ZNF566: variants seen among roughly 807,000 people sequenced by gnomAD.
The protein encoded by ZNF566 is zinc finger protein 566.
Under a neutral mutation model 32.8 loss-of-function variants are expected in ZNF566, and 27 were observed. The observed-to-expected ratio is 0.82, with a 90% CI of 0.61 to 1.14. The LOEUF is 1.14. Among genes scored for constraint, ZNF566 ranks in the 50% most tolerant of loss-of-function variants. The probability of loss-of-function intolerance (pLI) is 0.00; values close to 1 mark genes in which losing one functional copy is unlikely to be tolerated. For missense variants in ZNF566, 402 were observed against 490.4 expected (o/e 0.82, Z 1.70); for synonymous variants, 154 against 159.5 (o/e 0.97, Z 0.26).
intron 1 of ZNF566, among the ~76,000 whole-genome samples, chr19:36,482,394 T>C (rs952269442): frequency 1.4e-5 from 2 of 145,746 alleles, no homozygotes; most frequent in African/African-American, 4.9e-5. Context: ...AGTGAGCCAC[T>C]GTCCCCTGCG....
In ZNF566 at chr19:36,452,915, C is replaced by T. The variant is rs554307943; in HGVS notation, c.233-2914G>A. On this transcript the variant is annotated intron_variant, in intron 4 of 4. Transcript: ENST00000452939. ...CGGGCAGATCACTAGGTCAGGAGTTCGAGACCAGCCTGCCCAATATGGTGA... is the reference window on the plus strand; with the variant it reads ...CGGGCAGATCACTAGGTCAGGAGTTTGAGACCAGCCTGCCCAATATGGTGA... Among the ~76,000 whole-genome samples the T allele has an allele frequency of 5.3e-5, 8 of 151,796 alleles. No homozygotes were observed. The South Asian group carries it at 1.3e-3, about 24-fold the overall frequency.
At chr19:36,469,861 A>G (rs1263234041) in intron 4 of ZNF566, among the ~76,000 whole-genome samples, 1 of 152,214 alleles carries the variant, frequency 6.6e-6, no homozygotes, top group Non-Finnish European at 1.5e-5. Flanking sequence ...ACTTTTACAA[A>G]CAAGCATTGA....
intron 4 of ZNF566, among the ~76,000 whole-genome samples, chr19:36,472,219 C>T (rs2033782240): frequency 6.6e-6 from 1 of 152,090 alleles, no homozygotes. Context: ...CCCTTTATTT[C>T]CAACCCTCTA....
chr19:36,452,127 G>T (rs1328208289), intron 4 of ZNF566, among the ~76,000 whole-genome samples: 1 of 151,484 alleles, frequency 6.6e-6, no homozygotes, highest in Non-Finnish European at 1.5e-5. Context: ...GAAAGTCACT[G>T]ACTCTTAGAC....
At chr19:36,459,840 A>T (rs1445348968) in intron 4 of ZNF566, among the ~76,000 whole-genome samples, 6 of 133,734 alleles carry the variant, frequency 4.5e-5, no homozygotes, top group African/African-American at 1.4e-4. Flanking sequence ...TTTTTTTGAG[A>T]CAGAACCTTG....
intron 4 of ZNF566, among the ~76,000 whole-genome samples, chr19:36,467,055 C>G (rs1387071489): frequency 6.9e-6 from 1 of 144,728 alleles, no homozygotes; most frequent in East Asian, 2.0e-4. Flanking sequence ...GGTGACAGAG[C>G]GAGACTCCGT....
intron 2 of ZNF566, 61 bp from the exon 3 acceptor site, chr19:36,473,519 AAG>A: frequency 6.9e-7 from 1 of 1,456,974 alleles, no homozygotes; most frequent in East Asian, 2.4e-5. Context: ...TTGTGAAGGA[AAG>A]AGAGAAGAAA....
At chr19:36,484,592 T>TC (rs2034110863) in intron 1 of ZNF566, among the ~76,000 whole-genome samples, 1 of 143,908 alleles carries the variant, frequency 6.9e-6, no homozygotes, top group South Asian at 2.3e-4. Context: ...AGTTTCTTTT[T>TC]TTTTTTTTTT....
chr19:36,450,406 G>C (rs1193843731), intron 4 of ZNF566, among the ~76,000 whole-genome samples: 1 of 152,192 alleles, frequency 6.6e-6, no homozygotes, highest in Non-Finnish European at 1.5e-5. Flanking sequence ...AGCACCTTGG[G>C]CGGGTGAGGC....
chr19:36,459,333 G>A (rs986510350), intron 4 of ZNF566, among the ~76,000 whole-genome samples: 2 of 152,116 alleles, frequency 1.3e-5, no homozygotes, highest in South Asian at 4.1e-4. Flanking sequence ...GTTTGCCTCA[G>A]CCTCCCAAGT....
chr19:36,466,947 T>C (rs2033627548), intron 4 of ZNF566, among the ~76,000 whole-genome samples: 1 of 149,662 alleles, frequency 6.7e-6, no homozygotes, highest in African/African-American at 2.5e-5. Context: ...CAGGTGCCTG[T>C]AGTCCCAGCT....
At chr19:36,482,144 C>T (rs1162888611) in intron 1 of ZNF566, among the ~76,000 whole-genome samples, 1 of 152,130 alleles carries the variant, frequency 6.6e-6, no homozygotes, top group African/African-American at 2.4e-5. Flanking sequence ...CTCGCTCTGT[C>T]GCCCAGGCTG....
At chr19:36,476,472 A>G in intron 2 of ZNF566, 77 bp downstream of exon 2, 1 of 1,373,806 alleles carries the variant, frequency 7.3e-7, no homozygotes, top group South Asian at 1.2e-5. Context: ...AAAAAGCATC[A>G]TCATGAGGAA....
chr19:36,462,956 C>CAAAAAAAAAAAAAAAAA (rs755283751), intron 4 of ZNF566, among the ~76,000 whole-genome samples: 3 of 38,562 alleles, frequency 7.8e-5, no homozygotes, highest in Admixed American at 5.0e-4. Context: ...GACTCTGTCT[C>CAAAAAAAAAAAAAAAAA]AAAAAAAAAA....
chr19:36,456,141 A>G (rs2033303541), intron 4 of ZNF566, among the ~76,000 whole-genome samples: 1 of 152,116 alleles, frequency 6.6e-6, no homozygotes, highest in South Asian at 2.1e-4. Flanking sequence ...AGAAATCAAG[A>G]AGACAATCCC....
At chr19:36,475,027 C>A (rs2033850020) in intron 2 of ZNF566, among the ~76,000 whole-genome samples, 1 of 152,144 alleles carries the variant, frequency 6.6e-6, no homozygotes, top group Non-Finnish European at 1.5e-5. Context: ...GATCCAGTTT[C>A]ACCGTTGGTA....
chr19:36,449,497 TGATGTCGAGTAA>T lies in ZNF566; in HGVS notation c.725_736del (p.Leu242_His245del), dbSNP rs1394720455. On this transcript the variant is annotated inframe_deletion, in exon 5 of 5. Coordinates refer to ENST00000452939, the MANE Select transcript of ZNF566 (RefSeq NM_001145344.1). ...GGGTTTCTCACCAGTGTGAATTCTG[TGATGTCGAGTAA>T]GGTCTGAGCCACAAATAAAGGTTTT... 1.9e-6 allele frequency: 3 copies of T among 1,614,072 alleles called. No homozygotes were observed. Among genetic ancestry groups the T allele is most frequent in the Admixed American group, 1.7e-5 (1 of 60,000 alleles).
At chr19:36,465,408 G>C (rs956603635) in intron 4 of ZNF566, among the ~76,000 whole-genome samples, 4 of 152,080 alleles carry the variant, frequency 2.6e-5, no homozygotes, top group African/African-American at 7.2e-5. Context: ...GTCTAAGTCT[G>C]CAGATGTAAA....
intron 4 of ZNF566, among the ~76,000 whole-genome samples, chr19:36,454,801 C>T (rs2033258782): frequency 6.6e-6 from 1 of 152,090 alleles, no homozygotes; most frequent in South Asian, 2.1e-4. Context: ...TTCTATCAAA[C>T]ACTTAAAGAA....
Sources: allele counts gnomAD v4.1 joint callset (sites outside exome capture counted in the v4.1 genomes callset), GRCh38; gene constraint gnomAD v4.1.1; transcripts MANE v1.5; gene names NCBI Gene and HGNC (gene_info 2026-07-23, HGNC 2026-07-21).